Variants in ITPR2 observed in about 807,000 individuals in gnomAD.
The protein encoded by ITPR2 is inositol 1,4,5-trisphosphate receptor type 2, also known as inositol 1,4,5-trisphosphate-gated calcium channel ITPR2.
ITPR2 carries 207 observed loss-of-function variants against 317.1 expected under a neutral mutation model. The observed-to-expected ratio is 0.65, with a 90% confidence interval of 0.58 to 0.73. ITPR2 has a LOEUF of 0.73. Ranked by LOEUF, ITPR2 falls within the 30% of genes least tolerant of loss-of-function variation. The pLI, the probability that ITPR2 is intolerant of heterozygous loss-of-function variation, is 0.00. For synonymous variants in ITPR2, 1,156 were observed against 1,149.1 expected (o/e 1.01, Z -0.12); for missense variants, 2,613 against 3,284.0 (o/e 0.80, Z 4.99).
intron 37 of ITPR2, among the ~76,000 whole-genome samples, chr12:26,512,551 C>T (rs1303967131): frequency 1.3e-5 from 2 of 152,204 alleles, no homozygotes; most frequent in Non-Finnish European, 2.9e-5. Context: ...TCTTATCTAC[C>T]TATAACCTGG....
intron 21 of ITPR2, among the ~76,000 whole-genome samples, chr12:26,648,100 C>T (rs1947156545): frequency 6.6e-6 from 1 of 152,158 alleles, no homozygotes; most frequent in South Asian, 2.1e-4. Flanking sequence ...AAGAAAAAAA[C>T]TTCTGTAATT....
chr12:26,484,116 T>C (rs1232583710), intron 41 of ITPR2, among the ~76,000 whole-genome samples: 1 of 151,570 alleles, frequency 6.6e-6, no homozygotes, highest in African/African-American at 2.4e-5. Flanking sequence ...TGTATACATG[T>C]ACATATATAT....
chr12:26,768,741 G>A (rs1949787142), intron 2 of ITPR2, among the ~76,000 whole-genome samples: 1 of 151,986 alleles, frequency 6.6e-6, no homozygotes, highest in African/African-American at 2.4e-5. Flanking sequence ...TTGCATAACT[G>A]TGAGGCTTCC....
intron 45 of ITPR2, among the ~76,000 whole-genome samples, chr12:26,461,008 T>C (rs1478877758): frequency 6.6e-6 from 1 of 152,198 alleles, no homozygotes; most frequent in African/African-American, 2.4e-5. Flanking sequence ...TGAATGAACA[T>C]GTGCCTGCTC....
chr12:26,808,384 A>C (rs930694666), intron 1 of ITPR2, among the ~76,000 whole-genome samples: 1 of 152,204 alleles, frequency 6.6e-6, no homozygotes, highest in Non-Finnish European at 1.5e-5. Context: ...AGTACAAGTA[A>C]CCAAAAAAAT....
intron 4 of ITPR2, among the ~76,000 whole-genome samples, chr12:26,722,861 G>T (rs1223323109): frequency 1.8e-4 from 27 of 152,142 alleles, no homozygotes; most frequent in Admixed American, 1.8e-3. Context: ...TTCCAAAGGA[G>T]ACCTTGAGTT....
At chr12:26,778,075 A>C in intron 2 of ITPR2, among the ~76,000 whole-genome samples, 1 of 152,152 alleles carries the variant, frequency 6.6e-6, no homozygotes, top group Non-Finnish European at 1.5e-5. Flanking sequence ...CCCAGGAGTC[A>C]TCCTATGGTC....
intron 2 of ITPR2, among the ~76,000 whole-genome samples, chr12:26,779,790 G>A (rs1209510655): frequency 6.6e-6 from 1 of 152,162 alleles, no homozygotes; most frequent in Non-Finnish European, 1.5e-5. Flanking sequence ...AGGAGAAATG[G>A]CCAGATGTGC....
intron 55 of ITPR2, among the ~76,000 whole-genome samples, chr12:26,369,791 A>C (rs1939128528): frequency 6.6e-6 from 1 of 152,196 alleles, no homozygotes; most frequent in African/African-American, 2.4e-5. Context: ...CACCAGAAAG[A>C]CCAACTGCAT....
intron 55 of ITPR2, among the ~76,000 whole-genome samples, chr12:26,355,496 G>A (rs1938609184): frequency 6.6e-6 from 1 of 152,172 alleles, no homozygotes; most frequent in South Asian, 2.1e-4. Flanking sequence ...GTAAAATTGT[G>A]AGAGCATGAC....
intron 45 of ITPR2, among the ~76,000 whole-genome samples, chr12:26,473,791 G>T (rs948814322): frequency 2.0e-5 from 3 of 152,046 alleles, no homozygotes; most frequent in African/African-American, 7.2e-5. Context: ...TGTGTCACAT[G>T]GCTTCTCTTT....
At chr12:26,548,257 T>C (rs1469804429) in intron 37 of ITPR2, among the ~76,000 whole-genome samples, 2 of 152,198 alleles carry the variant, frequency 1.3e-5, no homozygotes, top group Non-Finnish European at 2.9e-5. Flanking sequence ...TTGCAATCTA[T>C]GATTCCAGAT....
At chr12:26,395,394 G>A (rs4963989) in intron 54 of ITPR2, among the ~76,000 whole-genome samples, 64,470 of 151,984 alleles carry the variant, frequency 0.42, 14,279 homozygotes, top group East Asian at 0.59. Context: ...AAGCCAAAGA[G>A]AATTCTGACC....
intron 55 of ITPR2, among the ~76,000 whole-genome samples, chr12:26,386,593 C>T (rs1240204906): frequency 1.3e-5 from 2 of 151,430 alleles, no homozygotes; most frequent in East Asian, 3.9e-4. Flanking sequence ...TCCTTAGGAC[C>T]AAGTAGCAAG....
chr12:26,530,499 A>C (rs1288772636), intron 37 of ITPR2, among the ~76,000 whole-genome samples: 1 of 152,182 alleles, frequency 6.6e-6, no homozygotes, highest in Non-Finnish European at 1.5e-5. Context: ...GTCAGAAGTA[A>C]ATGTAGGAAG....
At chr12:26,476,761 C>T (rs1462213791) in intron 44 of ITPR2, 151 bp downstream of exon 44, 1 of 590,808 alleles carries the variant, frequency 1.7e-6, no homozygotes, top group Non-Finnish European at 3.0e-6. Flanking sequence ...ACCACAGGGC[C>T]TTCTGAGGTA....
rs967332198 is a variant in ITPR2, at chr12:26,669,606, C to A, written c.1410-3555G>T. Among the ~76,000 whole-genome samples, 11 of 152,298 alleles carry A rather than the reference C, an allele frequency of 7.2e-5. No individual in the cohort carries two copies. The South Asian group carries it at 2.3e-3, about 32-fold the overall frequency. On this transcript the variant is annotated intron_variant, in intron 13 of 56. Coordinates refer to ENST00000381340, the MANE Select transcript of ITPR2 (RefSeq NM_002223.4). ...ATAGGAACAGCTCGGGTCTACAGCT[C>A]CCAGCGTGAGTGAAGCAGAAGACCG...
chr12:26,493,004 TTAAA>T (rs1234743917), intron 39 of ITPR2, among the ~76,000 whole-genome samples: 1 of 151,740 alleles, frequency 6.6e-6, no homozygotes, highest in Non-Finnish European at 1.5e-5. Flanking sequence ...AAAAATTAAA[TTAAA>T]TTTTAAAAAG....
chr12:26,461,649 T>C (rs1216866329), intron 45 of ITPR2, among the ~76,000 whole-genome samples: 120 of 26,446 alleles, frequency 4.5e-3, no homozygotes, highest in Non-Finnish European at 0.028. Flanking sequence ...TATATATATA[T>C]ATATATATAT....
Sources: allele counts gnomAD v4.1 joint callset (sites outside exome capture counted in the v4.1 genomes callset), GRCh38; gene constraint gnomAD v4.1.1; transcripts MANE v1.5; gene names NCBI Gene and HGNC (gene_info 2026-07-23, HGNC 2026-07-21).